ANKRD6: variants seen among roughly 807,000 people sequenced by gnomAD.
ANKRD6 encodes the protein ankyrin repeat domain-containing protein 6.
ANKRD6 carries 56 observed loss-of-function variants against 82.3 expected under a neutral mutation model. That is an observed-to-expected ratio of 0.68 (90% CI 0.55 to 0.85). The LOEUF (loss-of-function observed/expected upper bound fraction) is 0.85. Ranked by LOEUF, ANKRD6 falls within the 40% of genes least tolerant of loss-of-function variation. The pLI is 0.00. For missense variants in ANKRD6, 852 were observed against 907.6 expected (o/e 0.94, Z 0.79); for synonymous variants, 347 against 352.1 (o/e 0.99, Z 0.16).
intron 1 of ANKRD6, among the ~76,000 whole-genome samples, chr6:89,477,234 G>A (rs1001065272): frequency 5.3e-5 from 8 of 151,848 alleles, no homozygotes; most frequent in African/African-American, 1.2e-4. Context: ...GTGAGCCACC[G>A]TGCCCAGCCG....
At chr6:89,565,006 A>C (rs181361894) in intron 1 of ANKRD6, among the ~76,000 whole-genome samples, 1 of 152,358 alleles carries the variant, frequency 6.6e-6, no homozygotes, top group Admixed American at 6.5e-5. Flanking sequence ...AACAAAGCAC[A>C]GATTACCTGA....
At chr6:89,588,178 ACCTT>A (rs144991953) in intron 2 of ANKRD6, among the ~76,000 whole-genome samples, 127,356 of 151,810 alleles carry the variant, frequency 0.84, 53,757 homozygotes, top group East Asian at 0.95. Flanking sequence ...CCAGAATTCC[ACCTT>A]GCAGTTCTTG....
chr6:89,502,516 T>TA (rs34938919), intron 1 of ANKRD6, among the ~76,000 whole-genome samples: 1,779 of 148,276 alleles, frequency 0.012, 28 homozygotes, highest in African/African-American at 0.038. Flanking sequence ...CGTTATTATT[T>TA]AAAAAAAAAA....
intron 1 of ANKRD6, among the ~76,000 whole-genome samples, chr6:89,542,550 C>G (rs531009309): frequency 2.6e-4 from 39 of 152,162 alleles, no homozygotes; most frequent in Non-Finnish European, 5.1e-4. Flanking sequence ...GTATACAAAA[C>G]CAAGTCCTTT....
chr6:89,540,590 G>A (rs1266430631), intron 1 of ANKRD6, among the ~76,000 whole-genome samples: 3 of 152,062 alleles, frequency 2.0e-5, no homozygotes, highest in Non-Finnish European at 4.4e-5. Context: ...TCTTTACTTT[G>A]TTGATTGTTT....
At chr6:89,623,845 G>C (rs199509255) in intron 11 of ANKRD6, 27 bp from the exon 12 acceptor site, 80 of 1,601,346 alleles carry the variant, frequency 5.0e-5, no homozygotes, top group Non-Finnish European at 6.0e-5. Flanking sequence ...AAAGCGTTCA[G>C]GGGTGTTGTC....
intron 2 of ANKRD6, among the ~76,000 whole-genome samples, chr6:89,578,543 G>T (rs147776072): frequency 2.6e-5 from 4 of 152,098 alleles, no homozygotes; most frequent in Non-Finnish European, 5.9e-5. Flanking sequence ...TGATCTGCCC[G>T]CCTTGGCCTC....
At position 89,460,964 on chromosome 6, in the gene ANKRD6, G is replaced by A. The variant is rs75094895; in HGVS notation, c.-144+27589G>A. 2.0e-3 allele frequency among the ~76,000 whole-genome samples: 301 copies of A among 149,018 alleles called. 1 individual carries two copies. Among genetic ancestry groups the A allele is most frequent in the African/African-American group, 7.3e-3 (294 of 40,188 alleles). On this transcript the variant is annotated intron_variant, in intron 1 of 15. Transcript: ENST00000339746. ...CATCGAGGCTGGAGTGCAGTAAGCT[G>A]TTCACAGCTCACTGCAACTTCTGCC...
At chr6:89,589,784 AGTGGGGACACATTTTT>A (rs1022307911) in intron 2 of ANKRD6, among the ~76,000 whole-genome samples, 25 of 152,252 alleles carry the variant, frequency 1.6e-4, no homozygotes, top group Non-Finnish European at 2.9e-5. Flanking sequence ...TGGTGTGGAC[AGTGGGGACACATTTTT>A]GTGGTTGTTG....
At chr6:89,464,261 C>T (rs1774559335) in intron 1 of ANKRD6, among the ~76,000 whole-genome samples, 1 of 151,340 alleles carries the variant, frequency 6.6e-6, no homozygotes, top group African/African-American at 2.4e-5. Context: ...TTCTTTTTAA[C>T]TTGATCAAAT....
At chr6:89,548,370 C>A (rs1032548988) in intron 1 of ANKRD6, among the ~76,000 whole-genome samples, 3 of 152,150 alleles carry the variant, frequency 2.0e-5, no homozygotes, top group African/African-American at 7.2e-5. Context: ...TAGTTCATTC[C>A]TTTTTATGGC....
chr6:89,554,482 G>A (rs993277387), intron 1 of ANKRD6, among the ~76,000 whole-genome samples: 3 of 151,534 alleles, frequency 2.0e-5, no homozygotes, highest in African/African-American at 7.3e-5. Flanking sequence ...ATAGATTCTG[G>A]GGACTAAGAC....
chr6:89,494,977 G>A (rs1464841817), intron 1 of ANKRD6, among the ~76,000 whole-genome samples: 1 of 152,178 alleles, frequency 6.6e-6, no homozygotes, highest in Non-Finnish European at 1.5e-5. Flanking sequence ...GCTCACGCCT[G>A]TAATCCCAGC....
chr6:89,591,111 T>G (rs1415879442), intron 2 of ANKRD6, among the ~76,000 whole-genome samples: 1 of 152,132 alleles, frequency 6.6e-6, no homozygotes, highest in Non-Finnish European at 1.5e-5. Context: ...TTTCTTTTCT[T>G]TCTTTTTTTA....
At chr6:89,572,548 A>G (rs1432937433) in intron 2 of ANKRD6, among the ~76,000 whole-genome samples, 1 of 151,944 alleles carries the variant, frequency 6.6e-6, no homozygotes, top group Non-Finnish European at 1.5e-5. Flanking sequence ...CCATTTGTCT[A>G]TTTTTGCTTT....
intron 8 of ANKRD6, chr6:89,616,915 TC>T (rs1170521867): frequency 4.8e-6 from 3 of 621,180 alleles, no homozygotes; most frequent in South Asian, 4.5e-5. Flanking sequence ...GAAAAAGAAC[TC>T]AGGGATGTCC....
At chr6:89,457,062 C>T (rs1773586489) in intron 1 of ANKRD6, among the ~76,000 whole-genome samples, 1 of 152,174 alleles carries the variant, frequency 6.6e-6, no homozygotes, top group African/African-American at 2.4e-5. Flanking sequence ...TAAGATGGTG[C>T]ATTCACATGG....
At chr6:89,478,760 A>G (rs954743395) in intron 1 of ANKRD6, among the ~76,000 whole-genome samples, 2 of 151,136 alleles carry the variant, frequency 1.3e-5, no homozygotes, top group African/African-American at 4.9e-5. Flanking sequence ...CTGTCTCAAA[A>G]AAAAAAAAAA....
At chr6:89,602,761 G>C (rs1797527936) in intron 3 of ANKRD6, 1 of 438,898 alleles carries the variant, frequency 2.3e-6, no homozygotes, top group South Asian at 3.2e-5. Flanking sequence ...CCCTCATTTT[G>C]AGGTTGGCTC....
Sources: allele counts gnomAD v4.1 joint callset (sites outside exome capture counted in the v4.1 genomes callset), GRCh38; gene constraint gnomAD v4.1.1; transcripts MANE v1.5; gene names NCBI Gene and HGNC (gene_info 2026-07-23, HGNC 2026-07-21).